LRMDA: variants seen among roughly 807,000 people sequenced by gnomAD.
The protein encoded by LRMDA is leucine-rich melanocyte differentiation-associated protein.
A neutral mutation model predicts 29.8 loss-of-function variants in LRMDA; 18 were observed. That is an observed-to-expected ratio of 0.60 (90% CI 0.42 to 0.90). The LOEUF is 0.90. LRMDA is among the 40% of genes least tolerant of loss of function. The pLI is 0.00. For synonymous variants in LRMDA, 125 were observed against 109.4 expected, an observed-to-expected ratio of 1.14 and a Z score of -0.89; for missense variants, 273 against 273.9, an observed-to-expected ratio of 1.00 and a Z score of 0.02.
chr10:75,519,744 G>T (rs930487468), intron 2 of LRMDA, among the ~76,000 whole-genome samples: 1 of 152,126 alleles, frequency 6.6e-6, no homozygotes, highest in Admixed American at 6.5e-5. Flanking sequence ...TGGTTATTTT[G>T]CCCGTTAATT....
chr10:76,397,424 C>T lies in LRMDA; in HGVS notation c.601+72939C>T, dbSNP rs188475367. Among the ~76,000 whole-genome samples the T allele has an allele frequency of 4.6e-5, 7 of 152,358 alleles. 1 individual carries two copies. In the Middle Eastern group the frequency reaches 0.01, roughly 222 times the overall value. ...CTTTCGTACTTTGCCCTTAACACTCCATATCCCTGTTTAATTAATTTCCTA... is the reference window on the plus strand; with the variant it reads ...CTTTCGTACTTTGCCCTTAACACTCTATATCCCTGTTTAATTAATTTCCTA... On this transcript the variant is annotated intron_variant, in intron 6 of 6. Coordinates refer to ENST00000611255, the MANE Select transcript of LRMDA (RefSeq NM_001305581.2).
At chr10:75,935,357 T>C (rs1447408312) in intron 2 of LRMDA, among the ~76,000 whole-genome samples, 1 of 152,214 alleles carries the variant, frequency 6.6e-6, no homozygotes, top group Non-Finnish European at 1.5e-5. Flanking sequence ...GGAAGCATGA[T>C]AAATGCAATG....
At chr10:75,769,598 T>C (rs1483078966) in intron 2 of LRMDA, among the ~76,000 whole-genome samples, 2 of 152,194 alleles carry the variant, frequency 1.3e-5, no homozygotes, top group African/African-American at 4.8e-5. Flanking sequence ...GTTAATTTAT[T>C]TTATTTTTTT....
At chr10:76,256,318 T>C (rs866696346) in intron 5 of LRMDA, among the ~76,000 whole-genome samples, 4 of 152,174 alleles carry the variant, frequency 2.6e-5, no homozygotes, top group African/African-American at 9.7e-5. Context: ...AACTTGGAAA[T>C]TTTAGGTCAA....
At chr10:75,563,485 G>A (rs1840327173) in intron 2 of LRMDA, among the ~76,000 whole-genome samples, 1 of 151,980 alleles carries the variant, frequency 6.6e-6, no homozygotes, top group Admixed American at 6.6e-5. Flanking sequence ...ATTTCCTCCT[G>A]TAGCTCGGAG....
intron 5 of LRMDA, among the ~76,000 whole-genome samples, chr10:76,182,067 G>A (rs1851059426): frequency 6.6e-6 from 1 of 152,180 alleles, no homozygotes; most frequent in South Asian, 2.1e-4. Flanking sequence ...GTTCTGAGAA[G>A]TATATTAAGT....
At chr10:75,854,147 T>C (rs1042847289) in intron 2 of LRMDA, among the ~76,000 whole-genome samples, 3 of 152,118 alleles carry the variant, frequency 2.0e-5, no homozygotes, top group African/African-American at 7.2e-5. Flanking sequence ...CAGGAGGAGC[T>C]CATGCGAATG....
At chr10:76,200,708 CTTTTTCTTTTTT>C (rs1361118724) in intron 5 of LRMDA, among the ~76,000 whole-genome samples, 1 of 150,022 alleles carries the variant, frequency 6.7e-6, no homozygotes, top group African/African-American at 2.5e-5. Flanking sequence ...TTTTCTTTTT[CTTTTTCTTTTTT>C]TTTTTTTTCT....
intron 2 of LRMDA, among the ~76,000 whole-genome samples, chr10:76,027,392 T>C (rs566649233): frequency 9.2e-5 from 14 of 152,240 alleles, no homozygotes; most frequent in Non-Finnish European, 2.1e-4. Context: ...TGGTTTTTCC[T>C]GATTATAAAA....
intron 5 of LRMDA, among the ~76,000 whole-genome samples, chr10:76,101,410 A>G (rs1374624084): frequency 6.6e-6 from 1 of 152,156 alleles, no homozygotes; most frequent in Non-Finnish European, 1.5e-5. Flanking sequence ...CTGACTATTC[A>G]TGTATTCACC....
intron 5 of LRMDA, among the ~76,000 whole-genome samples, chr10:76,212,236 A>AACACACACACACAC (rs35344389): frequency 1.9e-4 from 27 of 142,878 alleles, no homozygotes; most frequent in African/African-American, 2.6e-4. Context: ...TGAAAATTAA[A>AACACACACACACAC]ACACACACAC....
At chr10:75,953,765 C>G (rs1589265272) in intron 2 of LRMDA, among the ~76,000 whole-genome samples, 1 of 152,170 alleles carries the variant, frequency 6.6e-6, no homozygotes, top group Non-Finnish European at 1.5e-5. Flanking sequence ...CACAGGAGGG[C>G]TGGTGTGGTA....
chr10:75,680,839 A>G (rs1020046552), intron 2 of LRMDA, among the ~76,000 whole-genome samples: 2 of 152,144 alleles, frequency 1.3e-5, no homozygotes, highest in African/African-American at 2.4e-5. Context: ...GTGAGACCCA[A>G]TCTCTATTAA....
intron 2 of LRMDA, among the ~76,000 whole-genome samples, chr10:75,813,486 G>C (rs989401033): frequency 2.0e-5 from 3 of 152,102 alleles, no homozygotes; most frequent in East Asian, 3.8e-4. Context: ...TTGAACCATC[G>C]CTTCACACTT....
At chr10:76,485,381 A>G (rs1842771356) in intron 6 of LRMDA, among the ~76,000 whole-genome samples, 1 of 151,932 alleles carries the variant, frequency 6.6e-6, no homozygotes, top group African/African-American at 2.4e-5. Flanking sequence ...AAATAGCACT[A>G]TACCACATTA....
rs1844685177 is a variant in LRMDA, at chr10:75,848,903, G to A, written c.132-187105G>A. The stretch of plus-strand genomic sequence containing the variant: ...ACTCTGCTTTGCTGTCTATCACAGG[G>A]GCTGTCATCTGTGGGGGCAGTTCCC... On this transcript the variant is annotated intron_variant, in intron 2 of 6. Transcript: ENST00000611255. Among the ~76,000 whole-genome samples the A allele has an allele frequency of 2.6e-5, 4 of 152,156 alleles. No homozygotes were observed. In the South Asian group the frequency reaches 8.3e-4, roughly 32 times the overall value.
In LRMDA at chr10:76,033,288, G is replaced by A. The variant is rs115040270; in HGVS notation, c.132-2720G>A. ...CATGAAAACAAGGATTTATTCATTAGCAATCACCCATGTAATATGGTTCTC... is the reference window on the plus strand; with the variant it reads ...CATGAAAACAAGGATTTATTCATTAACAATCACCCATGTAATATGGTTCTC... On this transcript the variant is annotated intron_variant, in intron 2 of 6. Coordinates refer to ENST00000611255, the MANE Select transcript of LRMDA (RefSeq NM_001305581.2). 4.6e-3 allele frequency among the ~76,000 whole-genome samples: 701 copies of A among 152,244 alleles called. 6 individuals carry two copies. Among genetic ancestry groups the A allele is most frequent in the African/African-American group, 0.016 (666 of 41,546 alleles).
intron 1 of LRMDA, among the ~76,000 whole-genome samples, chr10:75,433,079 G>A (rs1468505073): frequency 6.6e-6 from 1 of 150,442 alleles, no homozygotes; most frequent in Non-Finnish European, 1.5e-5. Flanking sequence ...CAGCCATCGG[G>A]GAAAGGGGCT....
At chr10:76,220,779 G>A (rs1411724709) in intron 5 of LRMDA, among the ~76,000 whole-genome samples, 1 of 152,166 alleles carries the variant, frequency 6.6e-6, no homozygotes, top group Non-Finnish European at 1.5e-5. Flanking sequence ...TATGAGGCCA[G>A]CATCATCCTG....
Sources: gnomAD v4.1 joint callset for allele counts (sites outside exome capture counted in the v4.1 genomes callset) on GRCh38, gnomAD v4.1.1 for gene constraint, MANE v1.5 for transcripts, NCBI Gene and HGNC (gene_info 2026-07-23, HGNC 2026-07-21) for gene names.